Variants in CDKL5 observed in about 807,000 individuals in gnomAD.
CDKL5 encodes cyclin dependent kinase like 5, also known as cyclin-dependent kinase-like 5.
Under a neutral mutation model 61.7 loss-of-function variants are expected in CDKL5, and 8 were observed. The observed-to-expected ratio is 0.13, with a 90% CI of 0.08 to 0.23. The LOEUF (loss-of-function observed/expected upper bound fraction) is 0.23, where lower values mean the gene tolerates loss of function less well. Among genes scored for constraint, CDKL5 ranks in the 10% least tolerant of loss-of-function variants. The probability of loss-of-function intolerance (pLI) is 1.00; values close to 1 mark genes in which losing one functional copy is unlikely to be tolerated. For missense variants in CDKL5, 440 were observed against 734.5 expected (o/e 0.60, Z 4.63); for synonymous variants, 275 against 272.3 (o/e 1.01, Z -0.10).
intron 1 of CDKL5, among the ~76,000 whole-genome samples, chrX:18,454,276 G>C (rs774119509): frequency 9.7e-6 from 1 of 102,648 alleles, no homozygotes; most frequent in African/African-American, 3.6e-5. Flanking sequence ...TTGCTCTGTC[G>C]CCCAGGCTGG....
At chrX:18,624,114 T>A in intron 16 of CDKL5, 1 of 263,938 alleles carries the variant, frequency 3.8e-6, no homozygotes, top group Non-Finnish European at 5.2e-6. Flanking sequence ...GCTAGTTAAG[T>A]ACGTGAGCCA....
chrX:18,626,487 G>A (rs1927045840), intron 17 of CDKL5, among the ~76,000 whole-genome samples: 1 of 110,308 alleles, frequency 9.1e-6, no homozygotes, highest in African/African-American at 3.3e-5. Context: ...ATATAAGCTG[G>A]GGATGGTGGA....
intron 1 of CDKL5, among the ~76,000 whole-genome samples, chrX:18,438,132 C>G (rs1254621821): frequency 1.8e-5 from 2 of 111,266 alleles, no homozygotes; most frequent in African/African-American, 6.5e-5. Flanking sequence ...GTGGCGCAAT[C>G]TCGGCTCACT....
chrX:18,459,051 G>T (rs1356126633), intron 1 of CDKL5, among the ~76,000 whole-genome samples: 1 of 112,157 alleles, frequency 8.9e-6, no homozygotes, highest in Non-Finnish European at 1.9e-5. Context: ...TGGTAGGTAC[G>T]CAGAAATAAA....
Position 18,638,580 on chromosome X carries a change from A to T in CDKL5, c.*9823A>T, listed in dbSNP as rs182744529. Reference sequence around the variant, plus strand: ...TATACATTCTGTCATGAATTGAATGAAGTAAATAATATGCTGTTGTAAGCA... The same window carrying T: ...TATACATTCTGTCATGAATTGAATGTAGTAAATAATATGCTGTTGTAAGCA... On this transcript the variant is annotated 3_prime_UTR_variant, in exon 18 of 18. Transcript: ENST00000623535. Among the ~76,000 whole-genome samples, 1 of 112,742 alleles carries T rather than the reference A, an allele frequency of 8.9e-6. No individual in the cohort carries two copies. Among genetic ancestry groups the T allele is most frequent in the East Asian group, 2.8e-4 (1 of 3,610 alleles).
chrX:18,596,237 G>A (rs1224337154), intron 10 of CDKL5, among the ~76,000 whole-genome samples: 4 of 110,882 alleles, frequency 3.6e-5, no homozygotes, highest in Non-Finnish European at 5.7e-5. Context: ...TAGCACAGTC[G>A]GAAATTTCTG....
intron 1 of CDKL5, among the ~76,000 whole-genome samples, chrX:18,504,654 G>A (rs1372902990): frequency 3.6e-5 from 4 of 111,565 alleles, no homozygotes; most frequent in Non-Finnish European, 5.6e-5. Flanking sequence ...GATTTTGGCC[G>A]GGCGCGGTGG....
chrX:18,508,923 T>A (rs1005653784), intron 2 of CDKL5, among the ~76,000 whole-genome samples: 2 of 109,600 alleles, frequency 1.8e-5, no homozygotes, highest in African/African-American at 6.6e-5. Flanking sequence ...TGAAACCCTG[T>A]CTCTACTAAA....
intron 15 of CDKL5, among the ~76,000 whole-genome samples, chrX:18,619,059 A>G (rs748526921): frequency 5.4e-5 from 6 of 110,727 alleles, no homozygotes; most frequent in Non-Finnish European, 9.4e-5. Flanking sequence ...AAAATTATAA[A>G]TGTATCATTC....
intron 1 of CDKL5, among the ~76,000 whole-genome samples, chrX:18,488,889 T>C (rs1921885856): frequency 8.9e-6 from 1 of 111,775 alleles, no homozygotes; most frequent in African/African-American, 3.3e-5. Flanking sequence ...AGCAGTAAGA[T>C]ACCAACATGA....
At chrX:18,484,523 G>A (rs1239138748) in intron 1 of CDKL5, among the ~76,000 whole-genome samples, 1 of 109,688 alleles carries the variant, frequency 9.1e-6, no homozygotes, top group Non-Finnish European at 1.9e-5. Flanking sequence ...TCACAATATT[G>A]GCCAGGCTGG....
rs1602304201 is a variant in CDKL5 at position 18,634,848 on chromosome X, G to C, written c.*6091G>C. Reference sequence around the variant, plus strand: ...GTATATACTTAGCTAACTATTCAGAGCTTCTTCAATCTCTAGTAAGCTTGA... The same window carrying C: ...GTATATACTTAGCTAACTATTCAGACCTTCTTCAATCTCTAGTAAGCTTGA... On this transcript the variant is annotated 3_prime_UTR_variant, in exon 18 of 18. Coordinates refer to ENST00000623535, the MANE Select transcript of CDKL5 (RefSeq NM_001323289.2). The C allele has an allele frequency of 1.3e-6, 1 of 750,379 alleles. No homozygotes were observed. The highest frequency in any genetic ancestry group is 1.5e-4 in the East Asian group (1 of 6,604). The allele number at this position is 750,379 out of a possible 1,213,427, so 61.8% of individuals were successfully genotyped here.
At chrX:18,492,865 A>C (rs1243220648) in intron 1 of CDKL5, among the ~76,000 whole-genome samples, 1 of 111,627 alleles carries the variant, frequency 9.0e-6, no homozygotes, top group Non-Finnish European at 1.9e-5. Context: ...TCAGATTGTC[A>C]TACCACTCCC....
At position 18,446,110 on chromosome X, in the gene CDKL5, G is replaced by A. The variant is rs187671871; in HGVS notation, c.-163+20415G>A. On this transcript the variant is annotated intron_variant, in intron 1 of 17. Transcript: ENST00000623535. ...TGTAATCCCAGCACTTTGGGAGGCC[G>A]AGGTGGGCAGATCACCTGAGGTCAG... Among the ~76,000 whole-genome samples the A allele has an allele frequency of 4.4e-3, 475 of 107,603 alleles. 1 individual carries two copies. In the Middle Eastern group the frequency reaches 0.047, roughly 11 times the overall value. 93.4% of individuals were successfully genotyped at this position (107,603 alleles called of 115,157 possible). A position where few individuals can be genotyped will look rare whatever the true frequency, so the allele number is the denominator to read the frequency against.
intron 3 of CDKL5, among the ~76,000 whole-genome samples, chrX:18,559,788 C>T (rs1277815713): frequency 1.3e-5 from 1 of 75,597 alleles, no homozygotes; most frequent in Non-Finnish European, 2.5e-5. Flanking sequence ...TCCCCCTCCC[C>T]CCACCCCACA....
intron 1 of CDKL5, among the ~76,000 whole-genome samples, chrX:18,465,330 G>C (rs1332379536): frequency 9.0e-6 from 1 of 111,401 alleles, no homozygotes; most frequent in Non-Finnish European, 1.9e-5. Context: ...CTTCTTCAAG[G>C]ACGTCTTGTT....
chrX:18,645,195 T>TC (rs1224910272), downstream of CDKL5, among the ~76,000 whole-genome samples: 1 of 111,732 alleles, frequency 8.9e-6, no homozygotes, highest in Non-Finnish European at 1.9e-5. Flanking sequence ...CTATAGTAGT[T>TC]CCCCCCGCCA....
downstream of CDKL5, among the ~76,000 whole-genome samples, chrX:18,643,512 C>A (rs1374499768): frequency 8.9e-6 from 1 of 112,273 alleles, no homozygotes; most frequent in African/African-American, 3.2e-5. Flanking sequence ...CCTTCAAGGC[C>A]TTCAGAAGCA....
At chrX:18,651,264 T>TGTGTGTGTGTGTGTGAGAGAGA (rs1491242962) in intron 21 of CDKL5, among the ~76,000 whole-genome samples, 3 of 69,012 alleles carry the variant, frequency 4.3e-5, no homozygotes, top group Admixed American at 1.7e-4. Flanking sequence ...TGTGTGTGTG[T>TGTGTGTGTGTGTGTGAGAGAGA]GAGAGAGAGA....
Sources: gnomAD v4.1 joint callset for allele counts (sites outside exome capture counted in the v4.1 genomes callset) on GRCh38, gnomAD v4.1.1 for gene constraint, MANE v1.5 for transcripts, NCBI Gene and HGNC (gene_info 2026-07-23, HGNC 2026-07-21) for gene names.